DTL: variants seen among roughly 807,000 people sequenced by gnomAD.
DTL encodes denticleless E3 ubiquitin protein ligase adapter.
Under a neutral mutation model 87.0 loss-of-function variants are expected in DTL, and 46 were observed. The observed-to-expected ratio is 0.53, with a 90% CI of 0.42 to 0.68. The LOEUF (loss-of-function observed/expected upper bound fraction) is 0.68. Among genes scored for constraint, DTL ranks in the 30% least tolerant of loss-of-function variants. The probability of loss-of-function intolerance (pLI) is 0.00; values close to 1 mark genes in which losing one functional copy is unlikely to be tolerated. For synonymous variants in DTL, 308 were observed against 311.2 expected (o/e 0.99, Z 0.11); for missense variants, 737 against 869.4 (o/e 0.85, Z 1.91).
chr1:212,059,779 C>CAAAAAAAAAAAAAAAAAAAAAAA (rs58890148), intron 5 of DTL, among the ~76,000 whole-genome samples: 1 of 80,224 alleles, frequency 1.2e-5, no homozygotes. Flanking sequence ...AAAGACTCTA[C>CAAAAAAAAAAAAAAAAAAAAAAA]AAAAAAAAAA....
chr1:212,037,384 C>T lies in DTL; in HGVS notation c.52+1442C>T, dbSNP rs563679315. On this transcript the variant is annotated intron_variant, in intron 1 of 14. Coordinates refer to ENST00000366991, the MANE Select transcript of DTL (RefSeq NM_016448.4). ...TGTTCCATCCTTGACCCCTTTTCTTCTTCTACCTACTCCTTTGGATGATCA... is the reference window on the plus strand; with the variant it reads ...TGTTCCATCCTTGACCCCTTTTCTTTTTCTACCTACTCCTTTGGATGATCA... 5.9e-5 allele frequency among the ~76,000 whole-genome samples: 9 copies of T among 152,262 alleles called. No homozygotes were observed. The South Asian group carries it at 1.4e-3, about 25-fold the overall frequency.
chr1:212,083,032 T>C (rs1323486311), intron 13 of DTL, among the ~76,000 whole-genome samples: 1 of 152,170 alleles, frequency 6.6e-6, no homozygotes, highest in Non-Finnish European at 1.5e-5. Flanking sequence ...CTATAAGATA[T>C]AACCTTGGTA....
At chr1:212,075,975 T>C (rs1051541284) in intron 11 of DTL, among the ~76,000 whole-genome samples, 3 of 152,190 alleles carry the variant, frequency 2.0e-5, no homozygotes, top group Non-Finnish European at 4.4e-5. Flanking sequence ...AAAATCAGCA[T>C]TTTGTGTGTG....
intron 14 of DTL, among the ~76,000 whole-genome samples, chr1:212,102,169 A>C (rs1400992015): frequency 6.6e-6 from 1 of 152,262 alleles, no homozygotes; most frequent in Non-Finnish European, 1.5e-5. Flanking sequence ...AAGACAACTT[A>C]GTACACAAAC....
intron 13 of DTL, among the ~76,000 whole-genome samples, chr1:212,096,724 G>T (rs1655463913): frequency 6.6e-6 from 1 of 152,120 alleles, no homozygotes; most frequent in Non-Finnish European, 1.5e-5. Flanking sequence ...TTCCACTATG[G>T]TCTGAGAGAG....
intron 7 of DTL, among the ~76,000 whole-genome samples, chr1:212,065,973 TG>T (rs765271007): frequency 6.6e-6 from 1 of 152,172 alleles, no homozygotes; most frequent in Non-Finnish European, 1.5e-5. Flanking sequence ...ATTACCGATG[TG>T]AGCCACCACG....
chr1:212,037,181 G>T (rs750005172), intron 1 of DTL, among the ~76,000 whole-genome samples: 2 of 152,076 alleles, frequency 1.3e-5, no homozygotes, highest in Admixed American at 6.5e-5. Context: ...TGTGTGTTCT[G>T]GGGGAGCTGT....
chr1:212,040,028 A>G (rs959452349), intron 1 of DTL, among the ~76,000 whole-genome samples: 3 of 152,232 alleles, frequency 2.0e-5, no homozygotes, highest in African/African-American at 7.2e-5. Context: ...AATTAACCTT[A>G]GCTTACTGTA....
chr1:212,060,186 T>C (rs1308029978), intron 5 of DTL, among the ~76,000 whole-genome samples: 7 of 152,180 alleles, frequency 4.6e-5, no homozygotes, highest in Non-Finnish European at 7.3e-5. Flanking sequence ...AAAATTTATG[T>C]GGAGCCAAAA....
chr1:212,036,507 T>A (rs541526528), intron 1 of DTL, among the ~76,000 whole-genome samples: 3 of 152,298 alleles, frequency 2.0e-5, no homozygotes, highest in African/African-American at 7.2e-5. Flanking sequence ...TGTAACCACA[T>A]CCGCCAGAGA....
intron 1 of DTL, among the ~76,000 whole-genome samples, chr1:212,042,193 A>C (rs780241579): frequency 1.3e-5 from 2 of 148,432 alleles, no homozygotes; most frequent in African/African-American, 4.9e-5. Context: ...TTGATCACAA[A>C]TCAGTATAAT....
At chr1:212,066,516 A>T (rs976911464) in intron 7 of DTL, among the ~76,000 whole-genome samples, 1 of 152,256 alleles carries the variant, frequency 6.6e-6, no homozygotes, top group Admixed American at 6.5e-5. Context: ...CTAAGGATAC[A>T]CACAGCATAT....
At chr1:212,061,787 A>G (rs1654325619) in intron 5 of DTL, among the ~76,000 whole-genome samples, 1 of 152,230 alleles carries the variant, frequency 6.6e-6, no homozygotes, top group Non-Finnish European at 1.5e-5. Flanking sequence ...TCCCATTTAT[A>G]TGTGGGTGCT....
chr1:212,055,347 C>T (rs937849979), intron 5 of DTL, among the ~76,000 whole-genome samples: 1 of 152,062 alleles, frequency 6.6e-6, no homozygotes, highest in African/African-American at 2.4e-5. Flanking sequence ...ACATAGGGAG[C>T]TGCCTGGAGA....
At chr1:212,052,477 A>T (rs1668016771) in intron 5 of DTL, among the ~76,000 whole-genome samples, 1 of 151,944 alleles carries the variant, frequency 6.6e-6, no homozygotes, top group African/African-American at 2.4e-5. Flanking sequence ...TCTTTACTAA[A>T]AATACAAAAA....
chr1:212,053,440 A>T (rs1045286621), intron 5 of DTL, among the ~76,000 whole-genome samples: 1 of 151,614 alleles, frequency 6.6e-6, no homozygotes, highest in Admixed American at 6.6e-5. Context: ...GGATCTGTCA[A>T]CCCCAGCCTC....
intron 5 of DTL, among the ~76,000 whole-genome samples, chr1:212,061,632 T>C (rs532898025): frequency 2.6e-5 from 4 of 152,284 alleles, no homozygotes; most frequent in South Asian, 4.1e-4. Flanking sequence ...AGCCAAGATA[T>C]GGAATCAACC....
chr1:212,070,450 A>C (rs1050883935), intron 10 of DTL, among the ~76,000 whole-genome samples: 4 of 152,164 alleles, frequency 2.6e-5, no homozygotes, highest in African/African-American at 9.7e-5. Context: ...CTTGACAAAA[A>C]GATGCAAAAA....
rs200831503 is a variant in DTL at position 212,068,750 on chromosome 1, G to T, written c.922+47G>T. ...TTCTCTTACCAGGAAAGCATTATGG[G>T]CTTTTTTTGGTAATGATAATTTAAT... On this transcript the variant is annotated intron_variant, in intron 10 of 14. Coordinates refer to ENST00000366991, the MANE Select transcript of DTL (RefSeq NM_016448.4). The T allele has an allele frequency of 1.6e-5, 20 of 1,224,994 alleles. No individual in the cohort carries two copies. In the African/African-American group the frequency reaches 2.7e-4, roughly 17 times the overall value. The allele number at this position is 1,224,994 out of a possible 1,614,324, so 75.9% of individuals were successfully genotyped here.
Sources: gnomAD v4.1 joint callset for allele counts (sites outside exome capture counted in the v4.1 genomes callset) on GRCh38, gnomAD v4.1.1 for gene constraint, MANE v1.5 for transcripts, NCBI Gene and HGNC (gene_info 2026-07-23, HGNC 2026-07-21) for gene names.